RAPGEF2: variants seen among roughly 807,000 people sequenced by gnomAD.
RAPGEF2 encodes the protein Rap guanine nucleotide exchange factor 2.
RAPGEF2 carries 54 observed loss-of-function variants against 186.7 expected under a neutral mutation model. That is an observed-to-expected ratio of 0.29 (90% CI 0.23 to 0.36). The LOEUF (loss-of-function observed/expected upper bound fraction) is 0.36. Among genes scored for constraint, RAPGEF2 ranks in the 10% least tolerant of loss-of-function variants. The probability of loss-of-function intolerance (pLI) is 1.00; values close to 1 mark genes in which losing one functional copy is unlikely to be tolerated. For synonymous variants in RAPGEF2, 712 were observed against 705.9 expected (o/e 1.01, Z -0.14); for missense variants, 1,532 against 2,045.0 (o/e 0.75, Z 4.84).
chr4:159,104,075 A>G lies in RAPGEF2; in HGVS notation c.-88A>G. On this transcript the variant is annotated 5_prime_UTR_variant, in exon 1 of 30. Transcript: ENST00000691494. ...TAGTCGCGGGCGGGCGGGCGGGCGC[A>G]GCGCGCAGGGCGGAGGCAGCAGCGG... 2.6e-6 allele frequency: 2 copies of G among 777,854 alleles called. No individual in the cohort carries two copies. The highest frequency in any genetic ancestry group is 3.3e-6 in the Non-Finnish European group (2 of 605,162). The allele number at this position is 777,854 out of a possible 1,614,324, so 48.2% of individuals were successfully genotyped here.
intron 7 of RAPGEF2, among the ~76,000 whole-genome samples, chr4:159,277,072 C>A (rs13435861): frequency 2.9e-5 from 4 of 139,716 alleles, no homozygotes; most frequent in Admixed American, 7.3e-5. Context: ...ATCCCTCCCC[C>A]CTCCCCCTAC....
intron 1 of RAPGEF2, among the ~76,000 whole-genome samples, chr4:159,164,647 A>G (rs1745101778): frequency 6.6e-6 from 1 of 152,204 alleles, no homozygotes; most frequent in African/African-American, 2.4e-5. Flanking sequence ...AATCATTTAT[A>G]TGAATACATT....
intron 1 of RAPGEF2, among the ~76,000 whole-genome samples, chr4:159,136,486 A>G (rs894444224): frequency 2.6e-5 from 4 of 152,184 alleles, no homozygotes; most frequent in Non-Finnish European, 5.9e-5. Flanking sequence ...GCTTATTTGT[A>G]ATACAAAGAG....
chr4:159,265,282 T>C (rs1229048871), intron 7 of RAPGEF2, among the ~76,000 whole-genome samples: 1 of 152,164 alleles, frequency 6.6e-6, no homozygotes, highest in Non-Finnish European at 1.5e-5. Flanking sequence ...AGACAGTAAC[T>C]GCTTAAATAC....
chr4:159,194,417 C>T (rs1748414651), intron 3 of RAPGEF2, among the ~76,000 whole-genome samples: 1 of 152,136 alleles, frequency 6.6e-6, no homozygotes, highest in Non-Finnish European at 1.5e-5. Flanking sequence ...ATTTCAGACA[C>T]AATATTTGAC....
chr4:159,173,870 A>G (rs1423744067), intron 1 of RAPGEF2, among the ~76,000 whole-genome samples: 1 of 152,238 alleles, frequency 6.6e-6, no homozygotes, highest in Non-Finnish European at 1.5e-5. Context: ...GTAAATTAAA[A>G]TTTGACTACA....
chr4:159,108,010 A>G (rs913682505), intron 1 of RAPGEF2, among the ~76,000 whole-genome samples: 1 of 152,184 alleles, frequency 6.6e-6, no homozygotes, highest in Non-Finnish European at 1.5e-5. Context: ...TCTGTATGCC[A>G]TTTAAAAAGC....
intron 1 of RAPGEF2, among the ~76,000 whole-genome samples, chr4:159,154,221 C>T (rs1229337808): frequency 6.6e-6 from 1 of 152,154 alleles, no homozygotes; most frequent in African/African-American, 2.4e-5. Flanking sequence ...TCTTAGCTAA[C>T]TAGAAGGTTG....
At chr4:159,248,006 C>T (rs890394245) in intron 7 of RAPGEF2, among the ~76,000 whole-genome samples, 6 of 152,090 alleles carry the variant, frequency 3.9e-5, no homozygotes, top group Admixed American at 6.5e-5. Flanking sequence ...AATTGATCCA[C>T]CCGCCTTGGC....
At chr4:159,141,877 T>G (rs1180636511) in intron 1 of RAPGEF2, among the ~76,000 whole-genome samples, 1 of 152,168 alleles carries the variant, frequency 6.6e-6, no homozygotes, top group Admixed American at 6.5e-5. Context: ...ATAAATAATT[T>G]ATATTAAGTG....
chr4:159,180,830 G>A (rs1340084044), intron 1 of RAPGEF2, among the ~76,000 whole-genome samples: 3 of 152,148 alleles, frequency 2.0e-5, no homozygotes, highest in East Asian at 3.9e-4. Context: ...AAGGTGTAAT[G>A]TCTATTTCCC....
intron 9 of RAPGEF2, among the ~76,000 whole-genome samples, chr4:159,321,554 T>A (rs1312545621): frequency 6.6e-6 from 1 of 152,078 alleles, no homozygotes; most frequent in East Asian, 1.9e-4. Context: ...CTTGGTTTCC[T>A]CCCTATGAAA....
At chr4:159,318,142 TATC>T (rs1450801238) in intron 9 of RAPGEF2, among the ~76,000 whole-genome samples, 1 of 152,168 alleles carries the variant, frequency 6.6e-6, no homozygotes, top group Non-Finnish European at 1.5e-5. Context: ...CAATGACAAT[TATC>T]ATGTTTGCAG....
chr4:159,130,728 T>G (rs1740950272), intron 1 of RAPGEF2, among the ~76,000 whole-genome samples: 1 of 152,218 alleles, frequency 6.6e-6, no homozygotes, highest in Non-Finnish European at 1.5e-5. Flanking sequence ...TTTTATTTTT[T>G]GGGACAGGAT....
At chr4:159,218,480 G>T (rs1280155231) in intron 4 of RAPGEF2, among the ~76,000 whole-genome samples, 1 of 152,166 alleles carries the variant, frequency 6.6e-6, no homozygotes, top group Non-Finnish European at 1.5e-5. Context: ...TGTTGGCCTG[G>T]CGCAGTGGCT....
intron 17 of RAPGEF2, among the ~76,000 whole-genome samples, chr4:159,333,300 C>G (rs753259527): frequency 1.3e-5 from 2 of 152,058 alleles, no homozygotes; most frequent in Non-Finnish European, 2.9e-5. Flanking sequence ...TTTTTAAAAG[C>G]GTGTGTTTGC....
At chr4:159,268,225 G>A (rs771254689) in intron 7 of RAPGEF2, 7 of 1,557,914 alleles carry the variant, frequency 4.5e-6, no homozygotes, top group Admixed American at 1.7e-5. Context: ...AGTAAGTATC[G>A]CAAATGCTGC....
intron 1 of RAPGEF2, among the ~76,000 whole-genome samples, chr4:159,156,474 C>A (rs2111205147): frequency 6.6e-6 from 1 of 150,440 alleles, no homozygotes; most frequent in Middle Eastern, 3.5e-3. Flanking sequence ...GCCTGAGGAA[C>A]TTTTTTTTTG....
At chr4:159,292,503 C>G (rs1000239889) in intron 7 of RAPGEF2, among the ~76,000 whole-genome samples, 1 of 152,064 alleles carries the variant, frequency 6.6e-6, no homozygotes, top group African/African-American at 2.4e-5. Context: ...TGGGCTTCCC[C>G]CAACTTCCTA....
Sources: allele counts gnomAD v4.1 joint callset (sites outside exome capture counted in the v4.1 genomes callset), GRCh38; gene constraint gnomAD v4.1.1; transcripts MANE v1.5; gene names NCBI Gene and HGNC (gene_info 2026-07-23, HGNC 2026-07-21).